PSMD13: variants seen among roughly 807,000 people sequenced by gnomAD.
PSMD13 encodes proteasome 26S subunit, non-ATPase 13, also known as 26S proteasome non-ATPase regulatory subunit 13.
A neutral mutation model predicts 57.4 loss-of-function variants in PSMD13; 8 were observed. The ratio of observed to expected loss-of-function variants is 0.14; its 90% CI spans 0.08 to 0.25. The LOEUF is 0.25. Ranked by LOEUF, PSMD13 falls within the 10% of genes least tolerant of loss-of-function variation. PSMD13 has a pLI of 1.00. For missense variants in PSMD13, 400 were observed against 461.5 expected (o/e 0.87, Z 1.22); for synonymous variants, 193 against 168.2 (o/e 1.15, Z -1.14).
intron 2 of PSMD13, among the ~76,000 whole-genome samples, chr11:240,232 C>G (rs1417084517): frequency 6.7e-6 from 1 of 149,988 alleles, no homozygotes; most frequent in Non-Finnish European, 1.5e-5. Context: ...GCCTCAGCGT[C>G]CCAAGTAGCT....
intron 4 of PSMD13, 94 bp from the exon 5 acceptor site, chr11:244,332 A>G (rs1859586171): frequency 6.3e-7 from 1 of 1,578,284 alleles, no homozygotes; most frequent in Non-Finnish European, 8.6e-7. Context: ...ATTATACTTT[A>G]TGGTCAAAAC....
intron 6 of PSMD13, 69 bp from the exon 7 acceptor site, chr11:247,208 C>A (rs1590251669): frequency 6.8e-7 from 1 of 1,474,028 alleles, no homozygotes; most frequent in Non-Finnish European, 9.1e-7. Context: ...CAGAGTGAGA[C>A]CCTGTCTCTA....
chr11:244,006 A>G, intron 2 of PSMD13, 35 bp from the exon 3 acceptor site: 17 of 1,578,334 alleles, frequency 1.1e-5, no homozygotes, highest in Non-Finnish European at 1.5e-5. Flanking sequence ...AATAAAAGAC[A>G]TCCTATAATT....
chr11:244,913 C>A, intron 6 of PSMD13, 152 bp downstream of exon 6: 1 of 572,482 alleles, frequency 1.7e-6, no homozygotes, highest in Non-Finnish European at 3.0e-6. Flanking sequence ...CTACTATACC[C>A]CAACCTAAAT....
At position 251,750 on chromosome 11, in the gene PSMD13, C is replaced by T; in HGVS notation, c.919-70C>T. ...GACGGGAGGAGCGGCATCTGCTTCT[C>T]ACAAGCCATCTGGGTCCATGGGGGT... On this transcript the variant is annotated intron_variant, in intron 11 of 12. Coordinates refer to ENST00000532097, the MANE Select transcript of PSMD13 (RefSeq NM_002817.4). This position sits in a 1 kb window ranked among gnomAD's most constrained non-coding sequence, Gnocchi z 4.6. 6.4e-7 allele frequency: 1 copy of T among 1,553,996 alleles called. No individual in the cohort carries two copies. Among genetic ancestry groups the T allele is most frequent in the Admixed American group, 1.7e-5 (1 of 58,448 alleles).
intron 2 of PSMD13, among the ~76,000 whole-genome samples, chr11:239,401 C>T (rs1309466386): frequency 6.6e-6 from 1 of 152,156 alleles, no homozygotes; most frequent in Non-Finnish European, 1.5e-5. Context: ...TACAACATGC[C>T]TAAGTATCTT....
At chr11:239,987 G>A (rs1293765849) in intron 2 of PSMD13, among the ~76,000 whole-genome samples, 1 of 151,174 alleles carries the variant, frequency 6.6e-6, no homozygotes, top group African/African-American at 2.4e-5. Context: ...GTGGTTTATA[G>A]CCATCAATTT....
intron 7 of PSMD13, 69 bp downstream of exon 7, chr11:247,517 T>G (rs1859676654): frequency 3.3e-6 from 5 of 1,528,424 alleles, no homozygotes; most frequent in Non-Finnish European, 4.5e-6. Context: ...GTGAGTTGCT[T>G]GAGGTGACAG....
In PSMD13 at chr11:252,856, G is replaced by A. The variant is rs1036885161; in HGVS notation, c.*256G>A. ...TTAGGTGATACGGGAGAGAAAGAAC[G>A]TGCCAGGCAGGAGGCCCCCTGAAGT... On this transcript the variant is annotated 3_prime_UTR_variant, in exon 13 of 13. Coordinates refer to ENST00000532097, the MANE Select transcript of PSMD13 (RefSeq NM_002817.4). The surrounding 1 kb of genome is among the most constrained non-coding windows in gnomAD (Gnocchi z 4.1). 11 of 422,764 alleles carry A rather than the reference G, an allele frequency of 2.6e-5. No individual in the cohort carries two copies. The highest frequency in any genetic ancestry group is 1.3e-4 in the South Asian group (4 of 30,734). The allele number at this position is 422,764 out of a possible 1,614,324, so 26.2% of individuals were successfully genotyped here.
intron 1 of PSMD13, among the ~76,000 whole-genome samples, chr11:238,260 T>C (rs1859416821): frequency 6.6e-6 from 1 of 152,232 alleles, no homozygotes; most frequent in Non-Finnish European, 1.5e-5. Flanking sequence ...GCATCTCAAG[T>C]TAGATATGTA....
In PSMD13 at chr11:252,136, G is replaced by C. The variant is rs1015470954; in HGVS notation, c.1035+200G>C. 5.4e-6 allele frequency: 3 copies of C among 560,024 alleles called. No homozygotes were observed. Among genetic ancestry groups the C allele is most frequent in the South Asian group, 2.2e-5 (1 of 45,100 alleles). 34.7% of individuals were successfully genotyped at this position (560,024 alleles called of 1,614,324 possible). On this transcript the variant is annotated intron_variant, in intron 12 of 12. Transcript: ENST00000532097. The surrounding 1 kb of genome is among the most constrained non-coding windows in gnomAD (Gnocchi z 4.1). ...TAGGGTTTGAACCCTGCATTTAAAA[G>C]CTTATGATGACAATGGCACTGGTTG...
At chr11:243,853 G>A (rs6598061) in intron 2 of PSMD13, among the ~76,000 whole-genome samples, 188 bp from the exon 3 acceptor site, 120,693 of 152,202 alleles carry the variant, frequency 0.79, 48,151 homozygotes, top group African/African-American at 0.88. Flanking sequence ...GTGAATGTAA[G>A]TAAGCCCTGA....
rs150750168 is a variant in PSMD13, at chr11:241,706, ATC to A, written c.175-2328_175-2327del. ...AGTGAGTCTGGTTCGTTACCCCTAAATCTCTCTCAAATTATTCATCCATCCTC... is the reference window on the plus strand; with the variant it reads ...AGTGAGTCTGGTTCGTTACCCCTAAATCTCTCAAATTATTCATCCATCCTC... On this transcript the variant is annotated intron_variant, in intron 2 of 12. Coordinates refer to ENST00000532097, the MANE Select transcript of PSMD13 (RefSeq NM_002817.4). 9.4e-3 allele frequency among the ~76,000 whole-genome samples: 1,419 copies of A among 151,580 alleles called. 8 individuals carry two copies. Among genetic ancestry groups the A allele is most frequent in the Middle Eastern group, 0.021 (6 of 292 alleles).
chr11:247,551 G>A (rs1859677464), intron 7 of PSMD13, 103 bp downstream of exon 7: 2 of 1,344,744 alleles, frequency 1.5e-6, no homozygotes, highest in Admixed American at 4.5e-5. Context: ...CTAAGGTGGG[G>A]CTGGGCACGG....
chr11:241,063 C>T (rs543772576), intron 2 of PSMD13, among the ~76,000 whole-genome samples: 1 of 152,180 alleles, frequency 6.6e-6, no homozygotes, highest in South Asian at 2.1e-4. Flanking sequence ...AACTCCTAAC[C>T]TCAGGCGATC....
chr11:251,793 C>T lies in PSMD13; in HGVS notation c.919-27C>T. 6.2e-7 allele frequency: 1 copy of T among 1,607,296 alleles called. No homozygotes were observed. The highest frequency in any genetic ancestry group is 8.5e-7 in the Non-Finnish European group (1 of 1,174,718). On this transcript the variant is annotated intron_variant, in intron 11 of 12. Transcript: ENST00000532097. This position sits in a 1 kb window ranked among gnomAD's most constrained non-coding sequence, Gnocchi z 4.6. The stretch of plus-strand genomic sequence containing the variant: ...ATGGGGGTGTGTCAGGCTATCTTGT[C>T]TTACACACGCCTCCCTCTCTGCACA...
intron 6 of PSMD13, among the ~76,000 whole-genome samples, chr11:245,230 G>A (rs545544894): frequency 2.6e-5 from 4 of 152,194 alleles, no homozygotes; most frequent in African/African-American, 4.8e-5. Context: ...GCCGTGAGCC[G>A]CTGCGCCCAG....
intron 7 of PSMD13, 95 bp downstream of exon 7, chr11:247,543 A>G: frequency 7.0e-7 from 1 of 1,424,028 alleles, no homozygotes; most frequent in Non-Finnish European, 9.6e-7. Context: ...AGAAATTACT[A>G]AGGTGGGGCT....
intron 7 of PSMD13, 154 bp from the exon 8 acceptor site, chr11:248,622 C>T (rs544219607): frequency 1.3e-5 from 9 of 709,948 alleles, no homozygotes; most frequent in Non-Finnish European, 2.2e-5. Context: ...TCTAAGTCAA[C>T]CCAATACTTC....
Sources: allele counts gnomAD v4.1 joint callset (sites outside exome capture counted in the v4.1 genomes callset), GRCh38; gene constraint gnomAD v4.1.1; non-coding constraint Gnocchi (gnomAD v3.1); transcripts MANE v1.5; gene names NCBI Gene and HGNC (gene_info 2026-07-23, HGNC 2026-07-21).